CEP131: variants seen among roughly 807,000 people sequenced by gnomAD.
CEP131 encodes centrosomal protein 131.
Under a neutral mutation model 136.8 loss-of-function variants are expected in CEP131, and 99 were observed. The ratio of observed to expected loss-of-function variants is 0.72; its 90% confidence interval spans 0.62 to 0.86. The LOEUF is 0.86. CEP131 is among the 40% of genes least tolerant of loss of function. CEP131 has a pLI of 0.00. For missense variants in CEP131, 1,459 were observed against 1,463.0 expected, an observed-to-expected ratio of 1.00 and a Z score of 0.04; for synonymous variants, 646 against 612.7, an observed-to-expected ratio of 1.05 and a Z score of -0.80.
chr17:81,200,272 G>C, intron 8 of CEP131, 57 bp downstream of exon 8: 1 of 1,371,810 alleles, frequency 7.3e-7, no homozygotes, highest in Non-Finnish European at 1.0e-6. Context: ...CAAACCCCTG[G>C]GATTCTGGGC....
In CEP131 at chr17:81,190,692, C is replaced by T; in HGVS notation, c.3054G>A (p.Glu1018=). 1 of 1,605,482 alleles carries T rather than the reference C, an allele frequency of 6.2e-7. No homozygotes were observed. The highest frequency in any genetic ancestry group is 1.8e-4 in the Middle Eastern group (1 of 5,468). ...SEEETRQAKA[E]LATLQARQQL... is the part of the protein sequence containing the mutation. Reference sequence around the variant, plus strand: ...GCTGGCGGGCCTGCAGCGTGGCCAGCTCGGCCTTGGCCTGCCGCGTCTCCT... The same window carrying T: ...GCTGGCGGGCCTGCAGCGTGGCCAGTTCGGCCTTGGCCTGCCGCGTCTCCT... The change falls in exon 24 of 26, where the codon GAG becomes GAA. Residue 1018 remains glutamate (E), a synonymous_variant. Transcript: ENST00000450824.
At chr17:81,194,714 G>A (rs908119770) in intron 17 of CEP131, among the ~76,000 whole-genome samples, 156 bp downstream of exon 17, 3 of 152,222 alleles carry the variant, frequency 2.0e-5, no homozygotes, top group Non-Finnish European at 4.4e-5. Flanking sequence ...AAGCCGCAGC[G>A]GAGGCCGTGA....
intron 18 of CEP131, 31 bp from the exon 19 acceptor site, chr17:81,192,874 GC>G: frequency 6.3e-7 from 1 of 1,581,060 alleles, no homozygotes; most frequent in South Asian, 1.1e-5. Context: ...GCTCTCGGGG[GC>G]CGGGACGGGC....
rs977301738 is a variant in CEP131, at chr17:81,220,007, C to A, written c.50G>T (p.Gly17Val). 3 of 1,610,378 alleles carry A rather than the reference C, an allele frequency of 1.9e-6. No homozygotes were observed. The Admixed American group carries it at 5.0e-5, about 27-fold the overall frequency. The change falls in exon 2 of 26, where the codon GGT becomes GTT. Residue 17 changes from glycine (G) to valine (V), a missense_variant. Coordinates refer to ENST00000450824, the MANE Select transcript of CEP131 (RefSeq NM_014984.4). ...IGSVPERSPAGVDLSLTGLPP... is the reference protein window; with the variant it reads ...IGSVPERSPAVVDLSLTGLPP... ...GAGACCTGTCAGACTCAGGTCCACA[C>A]CTGCTGGGCTGCGCTCCGGGACGCT... is the stretch of plus-strand genomic sequence containing the variant.
intron 11 of CEP131, 110 bp from the exon 12 acceptor site, chr17:81,198,407 C>T: frequency 8.7e-7 from 1 of 1,154,250 alleles, no homozygotes. Context: ...GCTCCCCAGT[C>T]CCGACATTCA....
Position 81,219,976 on chromosome 17 carries a change from C to T in CEP131, c.81G>A (p.Pro27=), listed in dbSNP as rs1205265822. The change falls in exon 2 of 26, where the codon CCG becomes CCA. Residue 27 remains proline (P), a synonymous_variant. Transcript: ENST00000450824. The surrounding 1 kb of genome is among the most constrained non-coding windows in gnomAD (Gnocchi z 4.0). ...CACTGCCAGGACGCCGGGACACAGG[C>T]GGAGGGAGACCTGTCAGACTCAGGT... ...GVDLSLTGLP[P]PVSRRPGSAA... is the part of the protein sequence containing the mutation. 3.1e-6 allele frequency: 5 copies of T among 1,611,950 alleles called. 1 individual carries two copies. In the South Asian group the frequency reaches 3.3e-5, roughly 11 times the overall value.
intron 21 of CEP131, among the ~76,000 whole-genome samples, chr17:81,191,683 C>T (rs1291845562): frequency 6.6e-6 from 1 of 152,192 alleles, no homozygotes; most frequent in Admixed American, 6.5e-5. Context: ...GCATTCAGAG[C>T]CTAAGCTGGC....
In CEP131 at chr17:81,197,011, G is replaced by A. The variant is rs180845237; in HGVS notation, c.1692C>T (p.Ser564=). 1.9e-5 allele frequency: 31 copies of A among 1,596,972 alleles called. No homozygotes were observed. The East Asian group carries it at 2.9e-4, about 15-fold the overall frequency. ...GCCGCATCACAGACGTGCTCACCTC[G>A]GACCCCAGCTCCAGGGGCCCCGGCC... ...EAGPGPLELG[S]EVSTSVMRLK... Residue 564 remains serine, a synonymous_variant, in exon 14 of 26, where the codon TCC becomes TCT. Coordinates refer to ENST00000450824, the MANE Select transcript of CEP131 (RefSeq NM_014984.4).
chr17:81,192,700 G>T, intron 19 of CEP131, 36 bp downstream of exon 19: 1 of 1,470,836 alleles, frequency 6.8e-7, no homozygotes, highest in South Asian at 1.2e-5. Flanking sequence ...CCAGCGAGGG[G>T]TCCCTGGGAG....
chr17:81,197,819 G>A lies in CEP131; in HGVS notation c.1540C>T (p.Pro514Ser), dbSNP rs2061797814. 3 of 1,613,304 alleles carry A rather than the reference G, an allele frequency of 1.9e-6. No homozygotes were observed. The highest frequency in any genetic ancestry group is 2.7e-5 in the African/African-American group (2 of 75,068). ...KFGKLSAFPEPPEDGTLLSEA... is the reference protein window; with the variant it reads ...KFGKLSAFPESPEDGTLLSEA... ...GATAGCAGCGTCCCATCCTCAGGAG[G>A]TTCGGGGAACGCACTGAGTTTTCCA... The change falls in exon 13 of 26, where the codon CCT becomes TCT. Residue 514 changes from proline to serine, a missense_variant. By Grantham distance (74) the Pro-to-Ser change is moderately conservative. Transcript: ENST00000450824.
chr17:81,200,202 G>C, intron 8 of CEP131, 127 bp downstream of exon 8: 1 of 750,262 alleles, frequency 1.3e-6, no homozygotes, highest in East Asian at 2.7e-5. Flanking sequence ...GAAGGATGCT[G>C]CACCCAGAGA....
chr17:81,205,367 G>A lies in CEP131; in HGVS notation c.515+1377C>T, dbSNP rs116059180. Among the ~76,000 whole-genome samples the A allele has an allele frequency of 8.6e-3, 1,216 of 142,120 alleles. 27 individuals carry two copies. Among genetic ancestry groups the A allele is most frequent in the African/African-American group, 0.029 (1,061 of 37,026 alleles). 93.2% of individuals were successfully genotyped at this position (142,120 alleles called of 152,430 possible). On this transcript the variant is annotated intron_variant, in intron 5 of 25. Transcript: ENST00000450824. ...GGAGGGGCGGCAAGAGTGTGGGTAG[G>A]AGGGGCAGCAGTGGGGTAGGAGGGG...
At position 81,189,802 on chromosome 17, in the gene CEP131, C is replaced by G; in HGVS notation, c.3210G>C (p.Glu1070Asp). ...TACTTGGCGTGGGCCTCCTGTGCTGCTCCAGCAGCTCCTCCAGGTGGTCGG... is the reference window on the plus strand; with the variant it reads ...TACTTGGCGTGGGCCTCCTGTGCTGGTCCAGCAGCTCCTCCAGGTGGTCGG... ...KRADHLEELL[E>D]QHRRPTPSTK The change falls in exon 26 of 26, where the codon GAG (glutamate) becomes GAC (aspartate). Residue 1070 changes from glutamate (E) to aspartate (D), a missense_variant. By Grantham distance (45) the Glu-to-Asp change is conservative. This residue lies in a region of CEP131 where 1,026 missense variants were observed against 964.2 expected (regional missense o/e 1.06). Coordinates refer to ENST00000450824, the MANE Select transcript of CEP131 (RefSeq NM_014984.4). The G allele has an allele frequency of 6.2e-7, 1 of 1,610,944 alleles. No homozygotes were observed. Among genetic ancestry groups the G allele is most frequent in the Non-Finnish European group, 8.5e-7 (1 of 1,178,986 alleles).
intron 5 of CEP131, among the ~76,000 whole-genome samples, chr17:81,206,015 C>T (rs2062001854): frequency 6.6e-6 from 1 of 152,266 alleles, no homozygotes; most frequent in South Asian, 2.1e-4. Flanking sequence ...ACCATCCCGG[C>T]CAACATGGTG....
intron 2 of CEP131, among the ~76,000 whole-genome samples, chr17:81,210,654 CGGATGCCACT>C (rs1475766099): frequency 1.3e-5 from 2 of 152,226 alleles, no homozygotes; most frequent in Non-Finnish European, 2.9e-5. Flanking sequence ...GGAACACCAC[CGGATGCCACT>C]GGATGCCACG....
rs772019268 is a variant in CEP131 at position 81,202,220 on chromosome 17, ACCG to A, written c.788+17_788+19del. 1.1e-6 allele frequency: 1 copy of A among 909,698 alleles called. No homozygotes were observed. Among genetic ancestry groups the A allele is most frequent in the Non-Finnish European group, 1.4e-6 (1 of 722,124 alleles). 56.4% of individuals were successfully genotyped at this position (909,698 alleles called of 1,614,324 possible). On this transcript the variant is annotated intron_variant, in intron 7 of 25. Coordinates refer to ENST00000450824, the MANE Select transcript of CEP131 (RefSeq NM_014984.4). ...GTGTTCTAGGCTCAGGCCCCCCCCC[ACCG>A]CCCCAAGATCGGTCACCTCTCAGCC...
intron 7 of CEP131, 86 bp from the exon 8 acceptor site, chr17:81,200,532 G>A: frequency 6.9e-6 from 7 of 1,010,370 alleles, no homozygotes; most frequent in South Asian, 1.5e-5. Context: ...TCGAGCCGGG[G>A]AAGAGAGAAG....
At position 81,192,465 on chromosome 17, in the gene CEP131, C is replaced by T. The variant is rs376563323; in HGVS notation, c.2547+11G>A. 5.1e-5 allele frequency: 82 copies of T among 1,611,848 alleles called. No homozygotes were observed. The highest frequency in any genetic ancestry group is 6.1e-5 in the Non-Finnish European group (72 of 1,179,826). On this transcript the variant is annotated intron_variant, in intron 20 of 25. Coordinates refer to ENST00000450824, the MANE Select transcript of CEP131 (RefSeq NM_014984.4). Reference sequence around the variant, plus strand: ...CCTGGCCAGGCCCAGCACAGCCCTCCGGTGGTAGACCTGGTGCCGGCGCTC... The same window carrying T: ...CCTGGCCAGGCCCAGCACAGCCCTCTGGTGGTAGACCTGGTGCCGGCGCTC...
rs145303385 is a variant in CEP131 at position 81,202,257 on chromosome 17, C to T, written c.771G>A (p.Thr257=). The change falls in exon 7 of 26, where the codon ACG becomes ACA. Residue 257 remains threonine (T), a synonymous_variant. Coordinates refer to ENST00000450824, the MANE Select transcript of CEP131 (RefSeq NM_014984.4). The part of the protein sequence containing the change: ...STGLPRRKEV[T]EEEAERFIHQ... ...TCGGTCACCTCTCAGCCTCCTCCTC[C>T]GTCACCTCCTTCCGCCTGGGCAAGC... 185 of 1,609,280 alleles carry T rather than the reference C, an allele frequency of 1.1e-4. No individual in the cohort carries two copies. In the African/African-American group the frequency reaches 2.2e-3, roughly 19 times the overall value.
Sources: gnomAD v4.1 joint callset for allele counts (sites outside exome capture counted in the v4.1 genomes callset) on GRCh38, gnomAD v4.1.1 for gene constraint, gnomAD v4.1.1 regional missense constraint, Gnocchi (gnomAD v3.1) non-coding constraint, MANE v1.5 for transcripts, NCBI Gene and HGNC (gene_info 2026-07-23, HGNC 2026-07-21) for gene names.